Variants in HYCC1 observed in about 807,000 individuals in gnomAD.
HYCC1 encodes hyccin.
At chr7:22,901,221 CAA>C in the HYCC1 span, among the ~76,000 whole-genome samples, 3 of 21,526 alleles carry the variant, frequency 1.4e-4, no homozygotes, top group Non-Finnish European at 2.3e-4. Context: ...GACCCTGTCT[CAA>C]AAAAAAAAAA....
chr7:22,942,224 A>T, the HYCC1 span: 11 of 152,152 alleles, frequency 7.2e-5, no homozygotes, highest in South Asian at 1.4e-3. Context: ...TCAACTTTTT[A>T]AAAAAATGAG....
chr7:22,979,115 A>G, the HYCC1 span, among the ~76,000 whole-genome samples: 4 of 152,198 alleles, frequency 2.6e-5, no homozygotes, highest in Admixed American at 6.5e-5. Context: ...ATATATATCC[A>G]ATGAACTATA....
chr7:22,991,649 A>G, the HYCC1 span, among the ~76,000 whole-genome samples: 1 of 152,174 alleles, frequency 6.6e-6, no homozygotes, highest in African/African-American at 2.4e-5. Context: ...ACAATATTCA[A>G]AATGACCATA....
the HYCC1 span, chr7:22,945,939 C>A: frequency 6.2e-7 from 1 of 1,613,756 alleles, no homozygotes; most frequent in East Asian, 2.2e-5. Flanking sequence ...TGTTTTCGAG[C>A]AAAGTGATCT....
chr7:22,925,371 A>C, the HYCC1 span, among the ~76,000 whole-genome samples: 1 of 152,318 alleles, frequency 6.6e-6, no homozygotes, highest in South Asian at 2.1e-4. Context: ...GCTCCAGAAG[A>C]TCAAGCTACT....
the HYCC1 span, among the ~76,000 whole-genome samples, chr7:22,984,467 C>A: frequency 6.6e-6 from 1 of 152,114 alleles, no homozygotes; most frequent in East Asian, 1.9e-4. Flanking sequence ...TGCCTGTAAT[C>A]CTAGCACTTT....
At chr7:22,972,961 A>G in the HYCC1 span, among the ~76,000 whole-genome samples, 141 of 152,298 alleles carry the variant, frequency 9.3e-4, 1 homozygote, top group South Asian at 3.1e-3. Flanking sequence ...AGACTGTAAC[A>G]CATTTGTCAC....
chr7:22,955,315 T>C, the HYCC1 span, among the ~76,000 whole-genome samples: 7 of 147,312 alleles, frequency 4.8e-5, no homozygotes, highest in African/African-American at 1.7e-4. Flanking sequence ...ATTTTGTAGC[T>C]AGTAAAACAA....
chr7:22,968,525 C>T, the HYCC1 span, among the ~76,000 whole-genome samples: 3 of 152,320 alleles, frequency 2.0e-5, no homozygotes, highest in African/African-American at 7.2e-5. Context: ...CATTGTTTAT[C>T]TGTGTTAATA....
At chr7:22,913,477 G>C in the HYCC1 span, among the ~76,000 whole-genome samples, 7 of 152,282 alleles carry the variant, frequency 4.6e-5, no homozygotes, top group South Asian at 6.2e-4. Flanking sequence ...TCAGGCCTCT[G>C]AGCCCAAGCC....
chr7:23,012,834 A>G, the HYCC1 span, among the ~76,000 whole-genome samples: 1 of 152,188 alleles, frequency 6.6e-6, no homozygotes, highest in Non-Finnish European at 1.5e-5. Context: ...CTCAAACTGT[A>G]AAGTGTTACA....
the HYCC1 span, among the ~76,000 whole-genome samples, chr7:22,921,004 C>A: frequency 2.0e-5 from 3 of 152,284 alleles, no homozygotes; most frequent in South Asian, 2.1e-4. Context: ...TTCCCTTCTG[C>A]CATGATTATA....
At chr7:22,925,447 A>C in the HYCC1 span, among the ~76,000 whole-genome samples, 2 of 152,184 alleles carry the variant, frequency 1.3e-5, no homozygotes, top group African/African-American at 4.8e-5. Context: ...AAAATTAGAC[A>C]AATGGCTAAC....
the HYCC1 span, among the ~76,000 whole-genome samples, chr7:22,919,593 G>T: frequency 6.6e-6 from 1 of 151,116 alleles, no homozygotes; most frequent in African/African-American, 2.4e-5. Context: ...TCAATTAGGA[G>T]ATATGAATTA....
At chr7:22,955,570 A>C in the HYCC1 span, among the ~76,000 whole-genome samples, 4 of 151,682 alleles carry the variant, frequency 2.6e-5, no homozygotes, top group Non-Finnish European at 5.9e-5. Flanking sequence ...TATTACAATA[A>C]CTATTTTGAA....
chr7:22,987,345 C>T, the HYCC1 span, among the ~76,000 whole-genome samples: 4 of 152,094 alleles, frequency 2.6e-5, no homozygotes, highest in African/African-American at 7.2e-5. Context: ...GCCAGGAGTT[C>T]GAGACCAGCC....
chr7:22,941,556 A>G, the HYCC1 span: 1 of 152,196 alleles, frequency 6.6e-6, no homozygotes, highest in Non-Finnish European at 1.5e-5. Flanking sequence ...TATAAGAGAA[A>G]GCAACAATAC....
chr7:22,957,493 A>G, the HYCC1 span, among the ~76,000 whole-genome samples: 205 of 152,078 alleles, frequency 1.3e-3, no homozygotes, highest in African/African-American at 4.7e-3. Flanking sequence ...AAAAGGGCCA[A>G]TTGCTTTCTT....
chr7:22,911,318 A>G, the HYCC1 span, among the ~76,000 whole-genome samples: 1 of 152,136 alleles, frequency 6.6e-6, no homozygotes, highest in Non-Finnish European at 1.5e-5. Flanking sequence ...CTAGTACTAG[A>G]TTTTTGTTTT....
Sources: gnomAD v4.1 joint callset for allele counts (sites outside exome capture counted in the v4.1 genomes callset) on GRCh38, gnomAD v4.1.1 for gene constraint, MANE v1.5 for transcripts, NCBI Gene and HGNC (gene_info 2026-07-23, HGNC 2026-07-21) for gene names.